Variants in NRG1 observed in about 807,000 individuals in gnomAD.
The protein encoded by NRG1 is pro-neuregulin-1, membrane-bound isoform.
NRG1 carries 18 observed loss-of-function variants against 63.8 expected under a neutral mutation model. The observed-to-expected ratio is 0.28, with a 90% confidence interval of 0.19 to 0.42. The LOEUF (loss-of-function observed/expected upper bound fraction) is 0.42, where lower values mean the gene tolerates loss of function less well. NRG1 is among the 10% of genes least tolerant of loss of function. NRG1 has a pLI of 1.00. For synonymous variants in NRG1, 302 were observed against 301.3 expected, an observed-to-expected ratio of 1.00 and a Z score of -0.02; for missense variants, 762 against 814.7, an observed-to-expected ratio of 0.94 and a Z score of 0.79.
At chr8:31,917,588 A>G (rs1438330642) in intron 1 of NRG1, among the ~76,000 whole-genome samples, 2 of 152,116 alleles carry the variant, frequency 1.3e-5, no homozygotes, top group South Asian at 4.1e-4. Context: ...TACCAGTACC[A>G]TGCTGTTTTG....
intron 1 of NRG1, among the ~76,000 whole-genome samples, chr8:32,156,484 C>T (rs1838080580): frequency 1.3e-5 from 2 of 152,192 alleles, no homozygotes; most frequent in Admixed American, 6.5e-5. Flanking sequence ...TTTTATGTCA[C>T]CATTGTAATT....
At chr8:32,739,840 G>A (rs1367973492) in intron 6 of NRG1, among the ~76,000 whole-genome samples, 2 of 152,116 alleles carry the variant, frequency 1.3e-5, no homozygotes, top group Non-Finnish European at 2.9e-5. Flanking sequence ...TACACAGCGT[G>A]TTCACATATC....
intron 5 of NRG1, among the ~76,000 whole-genome samples, chr8:32,692,360 C>G (rs1199513055): frequency 6.6e-6 from 1 of 152,170 alleles, no homozygotes; most frequent in Non-Finnish European, 1.5e-5. Flanking sequence ...CAGCAGCACA[C>G]AATTTTCTGT....
At chr8:32,179,128 C>T (rs1312448341) in intron 1 of NRG1, among the ~76,000 whole-genome samples, 4 of 145,196 alleles carry the variant, frequency 2.8e-5, no homozygotes, top group Non-Finnish European at 6.0e-5. Flanking sequence ...GAATGAGCTG[C>T]TCTGTGAGGT....
intron 1 of NRG1, among the ~76,000 whole-genome samples, chr8:32,256,857 T>G (rs746078212): frequency 3.3e-5 from 5 of 152,090 alleles, no homozygotes; most frequent in Admixed American, 1.3e-4. Context: ...CAGGAAGGAA[T>G]GTTTAAGTCT....
intron 5 of NRG1, among the ~76,000 whole-genome samples, chr8:32,651,493 A>G (rs1165629049): frequency 1.3e-5 from 2 of 152,182 alleles, no homozygotes; most frequent in African/African-American, 2.4e-5. Context: ...TTAGATTATC[A>G]TAAAAAGAGC....
At chr8:31,655,278 G>A (rs1321688464) in intron 1 of NRG1, among the ~76,000 whole-genome samples, 1 of 152,200 alleles carries the variant, frequency 6.6e-6, no homozygotes, top group Non-Finnish European at 1.5e-5. Context: ...GAGCTAAGAA[G>A]ATAGGCAAAA....
rs537663326 is a variant in NRG1, at chr8:32,342,586, G to A, written c.38-253242G>A. On this transcript the variant is annotated intron_variant, in intron 1 of 10. Coordinates refer to the NRG1 transcript ENST00000519301. ...AGTCTAGATTCTTAATGCCAATGCT[G>A]TATTGTCTCTCCAGAAAAGACCACT... Among the ~76,000 whole-genome samples, 3 of 152,118 alleles carry A rather than the reference G, an allele frequency of 2.0e-5. No homozygotes were observed. In the South Asian group the frequency reaches 6.2e-4, roughly 31 times the overall value.
At position 31,640,063 on chromosome 8, in the gene NRG1, TCGC is replaced by T; in HGVS notation, c.37+639_37+641del. ...GCGCCCCGGCTCCGCCGCCCGCTCG[TCGC>T]CGCCGCTGCCGCTGCTGCCACTACT... On this transcript the variant is annotated intron_variant, in intron 1 of 10. Transcript: ENST00000519301. The surrounding 1 kb of genome is among the most constrained non-coding windows in gnomAD (Gnocchi z 6.3). 1 of 1,137,920 alleles carries T rather than the reference TCGC, an allele frequency of 8.8e-7. No individual in the cohort carries two copies. The highest frequency in any genetic ancestry group is 1.1e-6 in the Non-Finnish European group (1 of 929,470). 70.5% of individuals were successfully genotyped at this position (1,137,920 alleles called of 1,614,324 possible).
chr8:32,060,952 A>G (rs1823747477), intron 1 of NRG1, among the ~76,000 whole-genome samples: 1 of 152,008 alleles, frequency 6.6e-6, no homozygotes, highest in African/African-American at 2.4e-5. Flanking sequence ...TCAGGGACCA[A>G]TGTTGTGAAC....
At chr8:31,959,794 ATTATTTATTTATTTATTTAT>A (rs202231999) in intron 1 of NRG1, among the ~76,000 whole-genome samples, 3 of 122,288 alleles carry the variant, frequency 2.5e-5, no homozygotes, top group South Asian at 2.9e-4. Flanking sequence ...TTATTTATTT[ATTATTTATTTATTTATTTAT>A]TTATTTATTT....
intron 1 of NRG1, among the ~76,000 whole-genome samples, chr8:31,697,124 C>T (rs1240839806): frequency 6.6e-6 from 1 of 152,062 alleles, no homozygotes; most frequent in African/African-American, 2.4e-5. Flanking sequence ...GCAATTTAAG[C>T]CAGAATTCAA....
At chr8:32,205,404 A>C (rs962030636) in intron 1 of NRG1, among the ~76,000 whole-genome samples, 2 of 152,146 alleles carry the variant, frequency 1.3e-5, no homozygotes, top group Non-Finnish European at 2.9e-5. Flanking sequence ...TTGCTGAGAC[A>C]TTTGTGATAA....
chr8:31,935,081 G>C (rs1379162400), intron 1 of NRG1, among the ~76,000 whole-genome samples: 1 of 151,988 alleles, frequency 6.6e-6, no homozygotes, highest in East Asian at 1.9e-4. Context: ...CTCCTGAGTA[G>C]CCAGTACCAC....
chr8:31,891,174 C>G lies in NRG1; in HGVS notation c.37+251743C>G, dbSNP rs375523366. On this transcript the variant is annotated intron_variant, in intron 1 of 10. Coordinates refer to the NRG1 transcript ENST00000519301. The stretch of plus-strand genomic sequence containing the variant: ...ATTTGGACTTTGTAAAATTAAAAAC[C>G]TTTGCCCTGCAAAAGACCCTTTAAA... Among the ~76,000 whole-genome samples the G allele has an allele frequency of 7.2e-5, 11 of 152,196 alleles. No individual in the cohort carries two copies. In the East Asian group the frequency reaches 1.4e-3, roughly 19 times the overall value.
At chr8:31,920,560 T>C (rs1187735176) in intron 1 of NRG1, among the ~76,000 whole-genome samples, 4 of 152,144 alleles carry the variant, frequency 2.6e-5, no homozygotes, top group Admixed American at 6.6e-5. Context: ...TCTTCAGACT[T>C]GCCCAGGATC....
At chr8:32,473,986 C>T (rs1408608464) in intron 1 of NRG1, among the ~76,000 whole-genome samples, 1 of 152,162 alleles carries the variant, frequency 6.6e-6, no homozygotes, top group African/African-American at 2.4e-5. Context: ...AGCCCAGCCC[C>T]ACCCTTACAT....
At chr8:31,729,815 C>A (rs1813835858) in intron 1 of NRG1, among the ~76,000 whole-genome samples, 3 of 152,252 alleles carry the variant, frequency 2.0e-5, no homozygotes, top group South Asian at 4.1e-4. Context: ...GCTTGAGGAT[C>A]TGTTCATCTG....
At position 32,433,660 on chromosome 8, in the gene NRG1, G is replaced by T. The variant is rs1818441871; in HGVS notation, c.38-162168G>T. On this transcript the variant is annotated intron_variant, in intron 1 of 10. Coordinates refer to the NRG1 transcript ENST00000519301. ...AATGTTCTGTCTTGTAAAGGGTATT[G>T]TTTCGGTGCCCGGCAACACAGAAAC... 2.0e-5 allele frequency among the ~76,000 whole-genome samples: 3 copies of T among 152,228 alleles called. No individual in the cohort carries two copies. In the South Asian group the frequency reaches 6.2e-4, roughly 32 times the overall value.
Sources: gnomAD v4.1 joint callset for allele counts (sites outside exome capture counted in the v4.1 genomes callset) on GRCh38, gnomAD v4.1.1 for gene constraint, Gnocchi (gnomAD v3.1) non-coding constraint, MANE v1.5 for transcripts, NCBI Gene and HGNC (gene_info 2026-07-23, HGNC 2026-07-21) for gene names.